P2RY8: variants seen among roughly 807,000 people sequenced by gnomAD.
P2RY8 encodes the protein S-geranylgeranyl-glutathione receptor P2RY8.
P2RY8 carries 6 observed loss-of-function variants against 10.0 expected under a neutral mutation model. That is an observed-to-expected ratio of 0.60 (90% CI 0.33 to 1.19). The LOEUF is 1.19. P2RY8 is among the 50% of genes most tolerant of loss of function. The pLI is 0.04. For synonymous variants in P2RY8, 276 were observed against 252.5 expected (o/e 1.09, Z -0.88); for missense variants, 456 against 542.0 (o/e 0.84, Z 1.58).
chrX:1,486,044 C>A (rs1417076820), intron 1 of P2RY8, among the ~76,000 whole-genome samples: 2 of 152,006 alleles, frequency 1.3e-5, no homozygotes, highest in African/African-American at 4.8e-5. Flanking sequence ...CATGGTGAAA[C>A]CCTGTCTTTA....
chrX:1,500,893 C>T lies in P2RY8; in HGVS notation c.-24-34311G>A, dbSNP rs753417180. On this transcript the variant is annotated intron_variant, in intron 1 of 1. Transcript: ENST00000381297. ...AAAGCCCCCAGCAGCACCCAGGCTC[C>T]GAGGTTCTGGGAGACACAACCTCCC... Among the ~76,000 whole-genome samples the T allele has an allele frequency of 9.9e-5, 15 of 152,190 alleles. No homozygotes were observed. In the South Asian group the frequency reaches 2.7e-3, roughly 27 times the overall value.
chrX:1,495,198 A>T (rs1409750947), intron 1 of P2RY8, among the ~76,000 whole-genome samples: 1 of 152,096 alleles, frequency 6.6e-6, no homozygotes, highest in Non-Finnish European at 1.5e-5. Flanking sequence ...TAAAAATTAA[A>T]GGGAGAGCCC....
At chrX:1,482,710 C>T (rs1234504436) in intron 1 of P2RY8, among the ~76,000 whole-genome samples, 3 of 152,086 alleles carry the variant, frequency 2.0e-5, no homozygotes, top group Admixed American at 6.6e-5. Context: ...TCAGTTTTCC[C>T]AGCACCATTT....
chrX:1,487,422 C>CAT (rs201179232), intron 1 of P2RY8, among the ~76,000 whole-genome samples: 36,719 of 151,870 alleles, frequency 0.24, 5,650 homozygotes, highest in East Asian at 0.6. Flanking sequence ...CTTTGCTTTA[C>CAT]ATATGGGGAC....
At position 1,464,563 on chromosome X, in the gene P2RY8, AC is replaced by A. The variant is rs2091636121; in HGVS notation, c.*915del. The A allele has an allele frequency of 8.6e-6, 2 of 233,156 alleles. No individual in the cohort carries two copies. The highest frequency in any genetic ancestry group is 6.0e-5 in the East Asian group (1 of 16,598). The allele number at this position is 233,156 out of a possible 1,614,324, so 14.4% of individuals were successfully genotyped here. On this transcript the variant is annotated 3_prime_UTR_variant, in exon 2 of 2. Coordinates refer to ENST00000381297, the MANE Select transcript of P2RY8 (RefSeq NM_178129.5). The stretch of plus-strand genomic sequence containing the variant: ...GTGGGGAACTCCCGAATCAAGCTGC[AC>A]CCTTGTGTTGGGATGGGCTGGACCC...
At chrX:1,481,022 C>T (rs748215221) in intron 1 of P2RY8, among the ~76,000 whole-genome samples, 2 of 152,106 alleles carry the variant, frequency 1.3e-5, no homozygotes, top group South Asian at 4.2e-4. Context: ...CAAATTAATA[C>T]CGCCGAGACA....
At chrX:1,486,945 C>T (rs1469998745) in intron 1 of P2RY8, among the ~76,000 whole-genome samples, 2 of 152,254 alleles carry the variant, frequency 1.3e-5, no homozygotes, top group African/African-American at 4.8e-5. Context: ...CCCTTTCTCC[C>T]CGGGACAGGG....
chrX:1,497,107 A>G (rs1257336657), intron 1 of P2RY8, among the ~76,000 whole-genome samples: 3 of 150,204 alleles, frequency 2.0e-5, no homozygotes, highest in African/African-American at 7.3e-5. Flanking sequence ...CTGTAATCCC[A>G]GCTATTCAGG....
chrX:1,473,578 GGGTA>G (rs2091826875), intron 1 of P2RY8, among the ~76,000 whole-genome samples: 1 of 150,342 alleles, frequency 6.7e-6, no homozygotes, highest in Non-Finnish European at 1.5e-5. Context: ...GTGAATGGGT[GGGTA>G]GGTGGGTGAA....
At chrX:1,474,024 A>T (rs1349599457) in intron 1 of P2RY8, among the ~76,000 whole-genome samples, 32 of 109,454 alleles carry the variant, frequency 2.9e-4, no homozygotes, top group East Asian at 7.0e-4. Context: ...GGTGGATGGG[A>T]GGGTGGATGG....
intron 1 of P2RY8, among the ~76,000 whole-genome samples, chrX:1,483,983 T>C (rs1214752153): frequency 1.0e-4 from 15 of 149,788 alleles, no homozygotes; most frequent in African/African-American, 3.7e-4. Flanking sequence ...AAAGCTGGGT[T>C]CCCCTAAACC....
intron 1 of P2RY8, among the ~76,000 whole-genome samples, chrX:1,522,648 G>T (rs1426975863): frequency 1.3e-4 from 20 of 151,890 alleles, no homozygotes; most frequent in Admixed American, 1.3e-4. Flanking sequence ...GTCAGTGCCT[G>T]TAATCCCAGC....
chrX:1,478,846 T>C (rs2091905443), intron 1 of P2RY8, among the ~76,000 whole-genome samples: 1 of 152,026 alleles, frequency 6.6e-6, no homozygotes, highest in Admixed American at 6.6e-5. Flanking sequence ...GGTGGGCTCA[T>C]GGTGCAAAGA....
In P2RY8 at chrX:1,466,057, G is replaced by T; in HGVS notation, c.502C>A (p.His168Asn). The part of the protein sequence containing the change: ...LARTDLTYPV[H>N]ALGIITCFDV... ...AAGCAGGTGATGATGCCCAGGGCGT[G>T]CACCGGGTAGGTGAGATCGGTGCGC... The change falls in exon 2 of 2, where the codon CAC becomes AAC. Residue 168 changes from histidine to asparagine, a missense_variant. Physicochemically the swap from His to Asn is moderately conservative, Grantham distance 68 (BLOSUM62 1). Transcript: ENST00000381297. 1.2e-6 allele frequency: 2 copies of T among 1,611,794 alleles called. No individual in the cohort carries two copies. Among genetic ancestry groups the T allele is most frequent in the Non-Finnish European group, 8.5e-7 (1 of 1,179,766 alleles).
intron 1 of P2RY8, among the ~76,000 whole-genome samples, chrX:1,479,297 G>C (rs1275708538): frequency 6.6e-6 from 1 of 152,206 alleles, no homozygotes; most frequent in East Asian, 1.9e-4. Context: ...TGAATGTCTT[G>C]TGGTGTCTCT....
intron 1 of P2RY8, among the ~76,000 whole-genome samples, chrX:1,509,291 A>T (rs1360617000): frequency 6.7e-6 from 1 of 148,812 alleles, no homozygotes; most frequent in Non-Finnish European, 1.5e-5. Flanking sequence ...TCATCTATGT[A>T]TCTATCCATC....
intron 1 of P2RY8, among the ~76,000 whole-genome samples, chrX:1,521,511 T>C (rs1275182957): frequency 2.0e-5 from 3 of 152,186 alleles, no homozygotes; most frequent in Admixed American, 6.5e-5. Flanking sequence ...GTACCCAGCA[T>C]GGAACACGGC....
At chrX:1,485,419 G>A (rs1252042967) in intron 1 of P2RY8, among the ~76,000 whole-genome samples, 7 of 151,766 alleles carry the variant, frequency 4.6e-5, no homozygotes, top group African/African-American at 9.7e-5. Context: ...GATTACAGGC[G>A]TGAGCCACTG....
intron 1 of P2RY8, among the ~76,000 whole-genome samples, chrX:1,466,944 C>T (rs866816642): frequency 6.9e-6 from 1 of 144,254 alleles, no homozygotes; most frequent in South Asian, 2.3e-4. Context: ...TTGGAGACCT[C>T]GGCCCACGTC....
Sources: allele counts gnomAD v4.1 joint callset (sites outside exome capture counted in the v4.1 genomes callset), GRCh38; gene constraint gnomAD v4.1.1; transcripts MANE v1.5; gene names NCBI Gene and HGNC (gene_info 2026-07-23, HGNC 2026-07-21).